MACROD2: variants seen among roughly 807,000 people sequenced by gnomAD.
The protein encoded by MACROD2 is ADP-ribose glycohydrolase MACROD2.
Under a neutral mutation model 70.4 loss-of-function variants are expected in MACROD2, and 36 were observed. The ratio of observed to expected loss-of-function variants is 0.51; its 90% CI spans 0.39 to 0.68. The LOEUF (loss-of-function observed/expected upper bound fraction) is 0.68, where lower values mean the gene tolerates loss of function less well. Ranked by LOEUF, MACROD2 falls within the 30% of genes least tolerant of loss-of-function variation. The pLI is 0.00. For synonymous variants in MACROD2, 172 were observed against 178.8 expected (o/e 0.96, Z 0.30); for missense variants, 496 against 538.4 (o/e 0.92, Z 0.78).
intron 5 of MACROD2, chr20:14,904,863 C>T (rs898258942): frequency 9.2e-5 from 14 of 152,156 alleles, no homozygotes; most frequent in African/African-American, 2.2e-4. Flanking sequence ...GGAAGCTTGA[C>T]GTGGCCTCCA....
intron 3 of MACROD2, among the ~76,000 whole-genome samples, chr20:14,240,655 CAAAG>C (rs2081920779): frequency 6.6e-6 from 1 of 151,918 alleles, no homozygotes; most frequent in Non-Finnish European, 1.5e-5. Flanking sequence ...GACATGGACA[CAAAG>C]AAAAGAACAA....
At chr20:14,055,582 G>C (rs1163390847) in intron 2 of MACROD2, among the ~76,000 whole-genome samples, 2 of 151,586 alleles carry the variant, frequency 1.3e-5, no homozygotes, top group Non-Finnish European at 2.9e-5. Context: ...TTACCAGTCT[G>C]GGCATAGGGC....
intron 3 of MACROD2, among the ~76,000 whole-genome samples, chr20:14,347,068 A>G (rs188621088): frequency 5.3e-5 from 8 of 152,316 alleles, no homozygotes; most frequent in East Asian, 3.9e-4. Flanking sequence ...AATTTAACCA[A>G]TGTGCTCTAG....
intron 8 of MACROD2, among the ~76,000 whole-genome samples, chr20:15,805,475 A>C (rs2063760735): frequency 1.4e-5 from 2 of 145,662 alleles, no homozygotes; most frequent in African/African-American, 2.6e-5. Context: ...AATAAGGAAT[A>C]TTTCTTTTTT....
At chr20:15,903,240 G>A (rs2065092820) in intron 10 of MACROD2, among the ~76,000 whole-genome samples, 1 of 152,192 alleles carries the variant, frequency 6.6e-6, no homozygotes, top group Admixed American at 6.5e-5. Flanking sequence ...TACTTCAGAG[G>A]CTGAGGCAGG....
chr20:14,725,962 G>A lies in MACROD2; in HGVS notation c.418+41003G>A, dbSNP rs565762102. Among the ~76,000 whole-genome samples the A allele has an allele frequency of 6.6e-5, 10 of 152,194 alleles. No homozygotes were observed. In the East Asian group the frequency reaches 1.9e-3, roughly 29 times the overall value. Reference sequence around the variant, plus strand: ...ACAGGTGCTGAGCAGATCTGACAGTGGTTCCTGTTATCATGTCCCTTACGT... The same window carrying A: ...ACAGGTGCTGAGCAGATCTGACAGTAGTTCCTGTTATCATGTCCCTTACGT... On this transcript the variant is annotated intron_variant, in intron 5 of 17. Transcript: ENST00000684519.
intron 8 of MACROD2, among the ~76,000 whole-genome samples, chr20:15,648,312 G>C (rs2049585267): frequency 6.6e-6 from 1 of 152,188 alleles, no homozygotes; most frequent in Non-Finnish European, 1.5e-5. Flanking sequence ...ATGAGCTCCA[G>C]CCACAAGCCT....
intron 3 of MACROD2, among the ~76,000 whole-genome samples, chr20:14,360,070 A>T (rs2083207080): frequency 1.3e-5 from 2 of 151,750 alleles, no homozygotes; most frequent in Admixed American, 1.3e-4. Context: ...ATAAAGGCAG[A>T]AAGTAGAATT....
rs538229390 is a variant in MACROD2 at position 14,764,697 on chromosome 20, C to T, written c.418+79738C>T. Among the ~76,000 whole-genome samples, 14 of 152,236 alleles carry T rather than the reference C, an allele frequency of 9.2e-5. 1 individual carries two copies. Among genetic ancestry groups the T allele is most frequent in the Non-Finnish European group, 2.1e-4 (14 of 68,014 alleles). On this transcript the variant is annotated intron_variant, in intron 5 of 17. Coordinates refer to ENST00000684519, the MANE Select transcript of MACROD2 (RefSeq NM_001351661.2). ...TGAGTATTGTACCAAATTCCTAGGA[C>T]TGGCCTCAAGTACTGCTGAGCTTAG...
intron 15 of MACROD2, among the ~76,000 whole-genome samples, chr20:16,009,711 C>T (rs138328083): frequency 1.7e-3 from 261 of 152,048 alleles, no homozygotes; most frequent in African/African-American, 5.8e-3. Context: ...AAGCTGAGAT[C>T]TTGCCACTGC....
At chr20:15,944,418 T>A (rs1018835646) in intron 12 of MACROD2, among the ~76,000 whole-genome samples, 1 of 142,774 alleles carries the variant, frequency 7.0e-6, no homozygotes, top group African/African-American at 2.5e-5. Context: ...TGGAAGGGGT[T>A]TTTTTAGGGT....
chr20:15,704,541 C>T (rs1478419233), intron 8 of MACROD2, among the ~76,000 whole-genome samples: 1 of 152,132 alleles, frequency 6.6e-6, no homozygotes, highest in African/African-American at 2.4e-5. Context: ...AGCAGTACTA[C>T]TCAAACTTAA....
chr20:15,677,575 A>C lies in MACROD2; in HGVS notation c.645+177728A>C, dbSNP rs186329214. 1.5e-3 allele frequency among the ~76,000 whole-genome samples: 224 copies of C among 152,160 alleles called. 1 individual carries two copies. The highest frequency in any genetic ancestry group is 5.3e-3 in the African/African-American group (218 of 41,504). On this transcript the variant is annotated intron_variant, in intron 8 of 17. Transcript: ENST00000684519. ...AATAGCTGTGGATAGAGAAGAGAAC[A>C]CTGGCCACTGTGTGGGTGACCAGAA...
At position 14,326,888 on chromosome 20, in the gene MACROD2, C is replaced by T. The variant is rs778889687; in HGVS notation, c.272-166591C>T. 1 of 1,613,756 alleles carries T rather than the reference C, an allele frequency of 6.2e-7. No homozygotes were observed. The highest frequency in any genetic ancestry group is 2.2e-5 in the East Asian group (1 of 44,862). On this transcript the variant is annotated intron_variant, in intron 3 of 17. Transcript: ENST00000684519. The surrounding 1 kb of genome is among the most constrained non-coding windows in gnomAD (Gnocchi z 5.5). ...CCATGATTGTTCAACAGGTTTCCAT[C>T]TAGAACCAGGCGTTTTAGACTAGTG...
intron 3 of MACROD2, among the ~76,000 whole-genome samples, chr20:14,437,700 A>G (rs2122948359): frequency 6.6e-6 from 1 of 152,354 alleles, no homozygotes; most frequent in East Asian, 1.9e-4. Context: ...TTGAAGTCAT[A>G]GAATTTAAGC....
chr20:15,120,622 A>G (rs950032967), intron 5 of MACROD2, among the ~76,000 whole-genome samples: 6 of 152,198 alleles, frequency 3.9e-5, no homozygotes, highest in Non-Finnish European at 8.8e-5. Context: ...CACAGACAGT[A>G]TATTAAAATA....
At chr20:14,860,663 G>A (rs1427122954) in intron 5 of MACROD2, among the ~76,000 whole-genome samples, 1 of 152,072 alleles carries the variant, frequency 6.6e-6, no homozygotes, top group African/African-American at 2.4e-5. Flanking sequence ...AAATGGGAAG[G>A]TAAGCAATCC....
Position 14,802,610 on chromosome 20 carries a change from T to C in MACROD2, c.418+117651T>C, listed in dbSNP as rs543388082. Among the ~76,000 whole-genome samples the C allele has an allele frequency of 7.2e-5, 11 of 152,122 alleles. No homozygotes were observed. The South Asian group carries it at 1.7e-3, about 23-fold the overall frequency. On this transcript the variant is annotated intron_variant, in intron 5 of 17. Transcript: ENST00000684519. ...TATAACAATATTTTTGAAATAAAAA[T>C]ATATAATATGCATACCTTCTATGAA...
chr20:15,354,498 A>C (rs1478466361), intron 6 of MACROD2, among the ~76,000 whole-genome samples: 1 of 152,234 alleles, frequency 6.6e-6, no homozygotes, highest in Non-Finnish European at 1.5e-5. Context: ...CTTAAAGTAT[A>C]ATAAACAAAA....
Sources: allele counts gnomAD v4.1 joint callset (sites outside exome capture counted in the v4.1 genomes callset), GRCh38; gene constraint gnomAD v4.1.1; non-coding constraint Gnocchi (gnomAD v3.1); transcripts MANE v1.5; gene names NCBI Gene and HGNC (gene_info 2026-07-23, HGNC 2026-07-21).